Variants in SLC25A30 observed in about 807,000 individuals in gnomAD.
SLC25A30 encodes the protein solute carrier family 25 member 30, also known as kidney mitochondrial carrier protein 1.
A neutral mutation model predicts 42.7 loss-of-function variants in SLC25A30; 29 were observed. The ratio of observed to expected loss-of-function variants is 0.68; its 90% confidence interval spans 0.51 to 0.93. The LOEUF (loss-of-function observed/expected upper bound fraction) is 0.93, where lower values mean the gene tolerates loss of function less well. Ranked by LOEUF, SLC25A30 falls within the 40% of genes least tolerant of loss-of-function variation. The pLI is 0.00. For missense variants in SLC25A30, 300 were observed against 359.7 expected, an observed-to-expected ratio of 0.83 and a Z score of 1.34; for synonymous variants, 124 against 131.0, an observed-to-expected ratio of 0.95 and a Z score of 0.37.
chr13:45,401,929 G>A (rs904523354), intron 6 of SLC25A30, among the ~76,000 whole-genome samples: 3 of 151,704 alleles, frequency 2.0e-5, no homozygotes, highest in South Asian at 2.1e-4. Context: ...GTGTGGTGGC[G>A]CACGCCTGTA....
chr13:45,423,884 T>TAAAA, the SLC25A30 span, among the ~76,000 whole-genome samples: 1 of 44,258 alleles, frequency 2.3e-5, no homozygotes, highest in Non-Finnish European at 5.1e-5. Context: ...TATATAAAAA[T>TAAAA]ATATATATAA....
chr13:45,413,130 C>G (rs778792429), intron 1 of SLC25A30, among the ~76,000 whole-genome samples: 3 of 152,052 alleles, frequency 2.0e-5, no homozygotes, highest in Non-Finnish European at 4.4e-5. Flanking sequence ...TGGATATTAA[C>G]CAAATTCATA....
chr13:45,425,328 CTA>C, the SLC25A30 span, among the ~76,000 whole-genome samples: 4 of 101,214 alleles, frequency 4.0e-5, no homozygotes, highest in Non-Finnish European at 7.1e-5. Context: ...GTATATGTAA[CTA>C]TATATAAGTA....
chr13:45,407,215 T>C (rs1452037583), intron 3 of SLC25A30, among the ~76,000 whole-genome samples: 1 of 152,082 alleles, frequency 6.6e-6, no homozygotes, highest in Non-Finnish European at 1.5e-5. Context: ...CTAGACAACA[T>C]GGTAAAACCC....
chr13:45,424,255 ATG>A, the SLC25A30 span, among the ~76,000 whole-genome samples: 1 of 12,858 alleles, frequency 7.8e-5, no homozygotes, highest in Non-Finnish European at 1.3e-4. Flanking sequence ...ATATAAATAT[ATG>A]TAAATATATA....
At chr13:45,417,262 C>G (rs1030815160) in intron 1 of SLC25A30, among the ~76,000 whole-genome samples, 1 of 152,200 alleles carries the variant, frequency 6.6e-6, no homozygotes, top group Non-Finnish European at 1.5e-5. Flanking sequence ...CCGCCCGCCT[C>G]GGCCTCCCAA....
chr13:45,399,121 A>G (rs778391307), intron 7 of SLC25A30, 43 bp from the exon 8 acceptor site: 6 of 1,547,884 alleles, frequency 3.9e-6, no homozygotes, highest in Admixed American at 4.2e-5. Context: ...GTTAACCATC[A>G]CTGAGCTACA....
intron 8 of SLC25A30, chr13:45,398,417 C>T (rs1308647829): frequency 6.6e-6 from 1 of 151,788 alleles, no homozygotes; most frequent in Admixed American, 6.6e-5. Context: ...CTATGTAACA[C>T]ACCTGCACAT....
At chr13:45,431,688 A>ATTGCACACTTCTATCTC in the SLC25A30 span, among the ~76,000 whole-genome samples, 4 of 152,032 alleles carry the variant, frequency 2.6e-5, no homozygotes, top group African/African-American at 9.6e-5. Flanking sequence ...CCAGCCAACG[A>ATTGCACACTTCTATCTC]TTGCACACTT....
chr13:45,415,533 T>C (rs531825216), intron 1 of SLC25A30, among the ~76,000 whole-genome samples: 1 of 152,080 alleles, frequency 6.6e-6, no homozygotes, highest in South Asian at 2.1e-4. Flanking sequence ...GGTGGATCAC[T>C]TGAGGTCAGG....
chr13:45,399,094 T>TG lies in SLC25A30; in HGVS notation c.615-17dup. On this transcript the variant is annotated splice_polypyrimidine_tract_variant and intron_variant, in intron 7 of 9. Coordinates refer to ENST00000519676, the MANE Select transcript of SLC25A30 (RefSeq NM_001010875.4). ...GAAGCTTGAGCTATAAAGACACCAT[T>TG]GGAAAAAAAAAAAAAAGTTAACCAT... is the stretch of plus-strand genomic sequence containing the variant. 1 of 1,547,978 alleles carries TG rather than the reference T, an allele frequency of 6.5e-7. No individual in the cohort carries two copies. The highest frequency in any genetic ancestry group is 1.2e-5 in the South Asian group (1 of 81,966).
At chr13:45,408,861 G>C (rs1171739628) in intron 3 of SLC25A30, 66 bp downstream of exon 3, 1 of 1,446,972 alleles carries the variant, frequency 6.9e-7, no homozygotes, top group Non-Finnish European at 9.3e-7. Context: ...GTGCAGTCTT[G>C]GTCTGAAGTC....
At chr13:45,425,247 A>T in the SLC25A30 span, among the ~76,000 whole-genome samples, 9 of 104,624 alleles carry the variant, frequency 8.6e-5, no homozygotes, top group African/African-American at 1.6e-4. Context: ...TACATATATA[A>T]ATATATATAC....
At chr13:45,412,841 C>G (rs1883150268) in intron 1 of SLC25A30, among the ~76,000 whole-genome samples, 1 of 152,150 alleles carries the variant, frequency 6.6e-6, no homozygotes, top group Non-Finnish European at 1.5e-5. Context: ...TAAATGTGGC[C>G]TCACACCCCT....
At chr13:45,408,874 T>C (rs528796034) in intron 3 of SLC25A30, 53 bp downstream of exon 3, 154 of 1,539,550 alleles carry the variant, frequency 1.0e-4, no homozygotes, top group Non-Finnish European at 1.3e-4. Context: ...CTGAAGTCTA[T>C]ACCCATGTGA....
At chr13:45,420,785 C>T (rs566526204), upstream of SLC25A30, among the ~76,000 whole-genome samples, 1 of 152,086 alleles carries the variant, frequency 6.6e-6, no homozygotes, top group Non-Finnish European at 1.5e-5. Flanking sequence ...ACTGCAGCCT[C>T]GAACTCCTAT....
chr13:45,424,152 T>TATATATAAATATATCA, the SLC25A30 span, among the ~76,000 whole-genome samples: 1 of 87,202 alleles, frequency 1.1e-5, no homozygotes, highest in South Asian at 4.2e-4. Flanking sequence ...AATATAAGTA[T>TATATATAAATATATCA]ATATATAGAA....
In SLC25A30 at chr13:45,394,004, C is replaced by G; in HGVS notation, c.*1970G>C. 2 of 984,828 alleles carry G rather than the reference C, an allele frequency of 2.0e-6. No homozygotes were observed. The highest frequency in any genetic ancestry group is 9.4e-5 in the South Asian group (2 of 21,270). 61.0% of individuals were successfully genotyped at this position (984,828 alleles called of 1,614,324 possible). On this transcript the variant is annotated 3_prime_UTR_variant, in exon 10 of 10. Coordinates refer to ENST00000519676, the MANE Select transcript of SLC25A30 (RefSeq NM_001010875.4). ...AAATTTTTCTACATTAAAAAAAGAG[C>G]ATTTCAAGAAAAGCAATCTTTAAAC... is the stretch of plus-strand genomic sequence containing the variant.
upstream of SLC25A30, among the ~76,000 whole-genome samples, chr13:45,423,117 C>T (rs990542556): frequency 3.3e-5 from 5 of 152,120 alleles, no homozygotes; most frequent in Admixed American, 2.0e-4. Flanking sequence ...AGCATAGCAC[C>T]TGGCACTGTG....
Sources: gnomAD v4.1 joint callset for allele counts (sites outside exome capture counted in the v4.1 genomes callset) on GRCh38, gnomAD v4.1.1 for gene constraint, MANE v1.5 for transcripts, NCBI Gene and HGNC (gene_info 2026-07-23, HGNC 2026-07-21) for gene names.